The following CHRDL1 variants were observed in gnomAD, a reference collection of about 807,000 sequenced individuals.
CHRDL1 encodes the protein chordin-like protein 1.
In CHRDL1, 19 loss-of-function variants were observed where a neutral mutation model predicts 40.9. The observed-to-expected ratio is 0.46, with a 90% confidence interval of 0.32 to 0.68. CHRDL1 has a LOEUF of 0.68. CHRDL1 is among the 30% of genes least tolerant of loss of function. CHRDL1 has a pLI of 0.03. For missense variants in CHRDL1, 329 were observed against 352.1 expected (o/e 0.93, Z 0.53); for synonymous variants, 136 against 123.4 (o/e 1.10, Z -0.68).
At chrX:110,736,908 T>C (rs36083732) in intron 4 of CHRDL1, among the ~76,000 whole-genome samples, 2 of 111,931 alleles carry the variant, frequency 1.8e-5, no homozygotes, top group South Asian at 3.7e-4. Flanking sequence ...AAGGTGATTA[T>C]TGCTATTATC....
chrX:110,681,799 C>T lies in CHRDL1; in HGVS notation c.989-150G>A, dbSNP rs751156850. ...ATTCTTCGAGAGACAGAAATTCCACCCATACTTCATTAGCCCAGCTTAGGC... is the reference window on the plus strand; with the variant it reads ...ATTCTTCGAGAGACAGAAATTCCACTCATACTTCATTAGCCCAGCTTAGGC... On this transcript the variant is annotated intron_variant, in intron 9 of 11. Coordinates refer to ENST00000372042, the MANE Select transcript of CHRDL1 (RefSeq NM_001143981.2). The T allele has an allele frequency of 6.4e-6, 3 of 470,041 alleles. No homozygotes were observed. In the African/African-American group the frequency reaches 7.3e-5, roughly 11 times the overall value. The allele number at this position is 470,041 out of a possible 1,213,427, so 38.7% of individuals were successfully genotyped here. A position where few individuals can be genotyped will look rare whatever the true frequency, so the allele number is the denominator to read the frequency against.
intron 10 of CHRDL1, among the ~76,000 whole-genome samples, chrX:110,679,684 C>G (rs753768770): frequency 2.7e-5 from 3 of 111,637 alleles, no homozygotes; most frequent in African/African-American, 6.5e-5. Context: ...GACCATGGGA[C>G]TCTCTCCTAG....
intron 4 of CHRDL1, among the ~76,000 whole-genome samples, chrX:110,747,700 C>T (rs764543674): frequency 1.8e-5 from 2 of 112,468 alleles, no homozygotes; most frequent in East Asian, 5.6e-4. Flanking sequence ...ATGTGACTAC[C>T]ACGTGGATCA....
At chrX:110,764,573 A>G (rs897585747) in intron 2 of CHRDL1, among the ~76,000 whole-genome samples, 5 of 112,085 alleles carry the variant, frequency 4.5e-5, no homozygotes, top group Non-Finnish European at 7.5e-5. Context: ...GGTTTGAACA[A>G]TATGAAATCA....
chrX:110,711,502 G>A (rs1283194844), intron 6 of CHRDL1, among the ~76,000 whole-genome samples: 1 of 111,866 alleles, frequency 8.9e-6, no homozygotes, highest in African/African-American at 3.2e-5. Context: ...TTTTAAAGTA[G>A]TGTTTCTCAT....
chrX:110,721,269 C>T (rs2070945252), intron 5 of CHRDL1, 116 bp downstream of exon 5: 6 of 718,515 alleles, frequency 8.4e-6, no homozygotes, highest in East Asian at 3.2e-5. Flanking sequence ...TGATTTAATG[C>T]AAGTCATGTT....
rs770649754 is a variant in CHRDL1, at chrX:110,792,135, A to G, written c.47T>C (p.Leu16Ser). The stretch of plus-strand genomic sequence containing the variant: ...TCCTTCTAGCAAAAGAAAGAACAAC[A>G]ACGAAAAGATGTATTTCATGCCTCC... ...KMGGMKYIFS[L>S]LFFLLLEGGK... The change falls in exon 2 of 12, where the codon TTG becomes TCG. Residue 16 changes from leucine (L) to serine (S), a missense_variant. Leu to Ser is a moderately radical substitution (Grantham distance 145). Coordinates refer to ENST00000372042, the MANE Select transcript of CHRDL1 (RefSeq NM_001143981.2). The G allele has an allele frequency of 2.7e-5, 32 of 1,203,284 alleles. No individual in the cohort carries two copies. Among genetic ancestry groups the G allele is most frequent in the South Asian group, 1.2e-4 (7 of 56,069 alleles).
intron 3 of CHRDL1, among the ~76,000 whole-genome samples, chrX:110,760,320 G>A (rs939892630): frequency 1.8e-5 from 2 of 112,260 alleles, no homozygotes; most frequent in Non-Finnish European, 3.8e-5. Flanking sequence ...GTATGCCTGG[G>A]TGGGGCGACT....
At chrX:110,730,531 G>T (rs1472283501) in intron 4 of CHRDL1, among the ~76,000 whole-genome samples, 1 of 111,358 alleles carries the variant, frequency 9.0e-6, no homozygotes, top group Non-Finnish European at 1.9e-5. Context: ...AAAGGGCATG[G>T]AATAGAGAGA....
At chrX:110,688,467 T>G in intron 9 of CHRDL1, 127 bp downstream of exon 9, 1 of 505,242 alleles carries the variant, frequency 2.0e-6, no homozygotes, top group Non-Finnish European at 3.4e-6. Flanking sequence ...GAGAATGAAA[T>G]TCATTATTAT....
intron 2 of CHRDL1, among the ~76,000 whole-genome samples, chrX:110,785,705 C>T (rs1468655044): frequency 1.8e-5 from 2 of 111,900 alleles, no homozygotes; most frequent in Middle Eastern, 4.7e-3. Context: ...TATCCATACA[C>T]GTTGTGATTA....
At chrX:110,728,770 G>C (rs910170495) in intron 4 of CHRDL1, among the ~76,000 whole-genome samples, 1 of 112,113 alleles carries the variant, frequency 8.9e-6, no homozygotes, top group African/African-American at 3.2e-5. Context: ...GCAGCTGGGA[G>C]CTAGCTGCAT....
intron 2 of CHRDL1, among the ~76,000 whole-genome samples, chrX:110,791,431 C>T (rs2090098395): frequency 9.0e-6 from 1 of 111,575 alleles, no homozygotes; most frequent in Non-Finnish European, 1.9e-5. Flanking sequence ...TTAATTATCC[C>T]CCCCGCCCCC....
At chrX:110,685,203 C>T (rs1465756154) in intron 9 of CHRDL1, among the ~76,000 whole-genome samples, 1 of 112,202 alleles carries the variant, frequency 8.9e-6, no homozygotes, top group East Asian at 2.8e-4. Context: ...AACATTTTGC[C>T]GTATGCTCCT....
At chrX:110,724,931 A>C (rs2071028251) in intron 4 of CHRDL1, among the ~76,000 whole-genome samples, 1 of 111,962 alleles carries the variant, frequency 8.9e-6, no homozygotes, top group Admixed American at 9.4e-5. Flanking sequence ...CTGGGCTAGT[A>C]AACAAATATC....
chrX:110,700,433 AT>A (rs2070487418), intron 7 of CHRDL1, among the ~76,000 whole-genome samples: 1 of 111,961 alleles, frequency 8.9e-6, no homozygotes, highest in Non-Finnish European at 1.9e-5. Flanking sequence ...GGCTGGGGCT[AT>A]GGTTTCTTTG....
chrX:110,707,093 G>A (rs1238540656), intron 6 of CHRDL1, among the ~76,000 whole-genome samples: 2 of 111,437 alleles, frequency 1.8e-5, no homozygotes, highest in African/African-American at 6.5e-5. Flanking sequence ...AGAAGCAGAT[G>A]ACTTTAGGGA....
chrX:110,690,593 A>C (rs1163626332), intron 8 of CHRDL1, among the ~76,000 whole-genome samples: 1 of 110,760 alleles, frequency 9.0e-6, no homozygotes, highest in Non-Finnish European at 1.9e-5. Flanking sequence ...ATCCATTCAG[A>C]ATGTCAAATG....
chrX:110,722,267 G>C (rs1452040968), intron 4 of CHRDL1, among the ~76,000 whole-genome samples: 1 of 111,151 alleles, frequency 9.0e-6, no homozygotes, highest in Non-Finnish European at 1.9e-5. Context: ...AAAGTGCTGG[G>C]ATTACAGGCG....
Sources: gnomAD v4.1 joint callset for allele counts (sites outside exome capture counted in the v4.1 genomes callset) on GRCh38, gnomAD v4.1.1 for gene constraint, MANE v1.5 for transcripts, NCBI Gene and HGNC (gene_info 2026-07-23, HGNC 2026-07-21) for gene names.